The following PCDHGA8 variants were observed in gnomAD, a reference collection of about 807,000 sequenced individuals.
PCDHGA8 encodes protocadherin gamma subfamily A, 8, also known as protocadherin gamma-A8.
PCDHGA8 carries 45 observed loss-of-function variants against 59.2 expected under a neutral mutation model. The observed-to-expected ratio is 0.76, with a 90% CI of 0.60 to 0.98. PCDHGA8 has a LOEUF of 0.98. Among genes scored for constraint, PCDHGA8 ranks in the 50% least tolerant of loss-of-function variants. The probability of loss-of-function intolerance (pLI) is 0.00; values close to 1 mark genes in which losing one functional copy is unlikely to be tolerated. For missense variants in PCDHGA8, 1,257 were observed against 1,196.2 expected (o/e 1.05, Z -0.75); for synonymous variants, 531 against 519.0 (o/e 1.02, Z -0.32).
At chr5:141,399,304 T>C (rs756847972) in intron 1 of PCDHGA8, 1 of 1,613,956 alleles carries the variant, frequency 6.2e-7, no homozygotes, top group Admixed American at 1.7e-5. Context: ...GATTATCTCT[T>C]CATCCAAAAA....
chr5:141,478,109 T>C, intron 1 of PCDHGA8: 1 of 1,614,086 alleles, frequency 6.2e-7, no homozygotes, highest in Non-Finnish European at 8.5e-7. Context: ...CCTCACTGTG[T>C]CAGTAACCGA....
chr5:141,399,685 C>G (rs1344845350), intron 1 of PCDHGA8: 1 of 1,613,532 alleles, frequency 6.2e-7, no homozygotes, highest in African/African-American at 1.3e-5. Context: ...TGACTACGAG[C>G]AGCTGCGCAC....
chr5:141,506,584 G>A (rs1413313164), intron 3 of PCDHGA8, among the ~76,000 whole-genome samples: 1 of 152,098 alleles, frequency 6.6e-6, no homozygotes, highest in African/African-American at 2.4e-5. Context: ...ACTATTAATG[G>A]GCACAGTATT....
At chr5:141,399,625 T>C (rs1270466401) in intron 1 of PCDHGA8, 9 of 1,613,796 alleles carry the variant, frequency 5.6e-6, no homozygotes, top group African/African-American at 1.3e-5. Context: ...ACTGGCCTCT[T>C]ACGTGTCCAT....
intron 1 of PCDHGA8, among the ~76,000 whole-genome samples, chr5:141,481,692 G>A (rs1231630072): frequency 3.3e-5 from 5 of 152,020 alleles, no homozygotes; most frequent in East Asian, 1.9e-4. Context: ...GGTGGCTCAC[G>A]CCTGTAATCC....
At chr5:141,441,325 T>C (rs961263461) in intron 1 of PCDHGA8, 1 of 152,192 alleles carries the variant, frequency 6.6e-6, no homozygotes, top group African/African-American at 2.4e-5. Flanking sequence ...AGAAAAATCT[T>C]CCTCCAATAA....
Position 141,394,338 on chromosome 5 carries a change from T to C in PCDHGA8, c.1525T>C (p.Ser509Pro). 2 of 1,614,048 alleles carry C rather than the reference T, an allele frequency of 1.2e-6. No individual in the cohort carries two copies. The highest frequency in any genetic ancestry group is 1.7e-6 in the Non-Finnish European group (2 of 1,179,962). Residue 509 changes from serine to proline, a missense_variant, in exon 1 of 4, where the codon TCT becomes CCT. Coordinates refer to ENST00000398604, the MANE Select transcript of PCDHGA8 (RefSeq NM_032088.2). ...CCTGTCCTCGTATATCTCCATCAAC[T>C]CTGACACCGGTGTCCTGTATGCGCT... ...APLSSYISIN[S>P]DTGVLYALQS...
chr5:141,405,164 T>C, intron 1 of PCDHGA8: 1 of 1,614,076 alleles, frequency 6.2e-7, no homozygotes, highest in East Asian at 2.2e-5. Flanking sequence ...TGTGCCCACC[T>C]CACACTTTGT....
chr5:141,431,968 T>G lies in PCDHGA8; in HGVS notation c.2424+36731T>G, dbSNP rs571981127. 6.2e-7 allele frequency: 1 copy of G among 1,614,190 alleles called. No individual in the cohort carries two copies. Among genetic ancestry groups the G allele is most frequent in the Admixed American group, 1.7e-5 (1 of 60,024 alleles). On this transcript the variant is annotated intron_variant, in intron 1 of 3. Coordinates refer to ENST00000398604, the MANE Select transcript of PCDHGA8 (RefSeq NM_032088.2). The surrounding 1 kb of genome is among the most constrained non-coding windows in gnomAD (Gnocchi z 4.8). ...AAAAATCTTACGGAAATTACTATAGTTTAGTCACAGACATAGTCTTGGATA... is the reference window on the plus strand; with the variant it reads ...AAAAATCTTACGGAAATTACTATAGGTTAGTCACAGACATAGTCTTGGATA...
In PCDHGA8 at chr5:141,432,866, G is replaced by A; in HGVS notation, c.2424+37629G>A. The A allele has an allele frequency of 6.2e-7, 1 of 1,614,152 alleles. No individual in the cohort carries two copies. The highest frequency in any genetic ancestry group is 8.5e-7 in the Non-Finnish European group (1 of 1,180,008). On this transcript the variant is annotated intron_variant, in intron 1 of 3. Transcript: ENST00000398604. This position sits in a 1 kb window ranked among gnomAD's most constrained non-coding sequence, Gnocchi z 6.0. ...GGTAGCGGTGGCCGCGGTCTCCTGC[G>A]TCTTCCTGGCCTTCGTCATCTTGCT...
chr5:141,477,043 G>A lies in PCDHGA8; in HGVS notation c.2425-17764G>A. The A allele has an allele frequency of 6.2e-7, 1 of 1,614,260 alleles. No individual in the cohort carries two copies. Among genetic ancestry groups the A allele is most frequent in the Middle Eastern group, 1.6e-4 (1 of 6,062 alleles). On this transcript the variant is annotated intron_variant, in intron 1 of 3. Coordinates refer to ENST00000398604, the MANE Select transcript of PCDHGA8 (RefSeq NM_032088.2). This position sits in a 1 kb window ranked among gnomAD's most constrained non-coding sequence, Gnocchi z 4.9. The stretch of plus-strand genomic sequence containing the variant: ...CCGGGATGCTGACAATCAAGGGTCG[G>A]CTGGACTTCGAGGACACCAAACTCC...
Position 141,486,690 on chromosome 5 carries a change from C to G in PCDHGA8, c.2425-8117C>G. ...AGGAATCGAGATGTATCAGCTTCCTCTTTCATCTCTCTGAACCCCCAGACA... is the reference window on the plus strand; with the variant it reads ...AGGAATCGAGATGTATCAGCTTCCTGTTTCATCTCTCTGAACCCCCAGACA... On this transcript the variant is annotated intron_variant, in intron 1 of 3. Coordinates refer to ENST00000398604, the MANE Select transcript of PCDHGA8 (RefSeq NM_032088.2). The surrounding 1 kb of genome is among the most constrained non-coding windows in gnomAD (Gnocchi z 5.0). 3 of 1,614,144 alleles carry G rather than the reference C, an allele frequency of 1.9e-6. No individual in the cohort carries two copies. The highest frequency in any genetic ancestry group is 2.5e-6 in the Non-Finnish European group (3 of 1,180,036).
chr5:141,493,979 C>T lies in PCDHGA8; in HGVS notation c.2425-828C>T, dbSNP rs1273325447. ...GAAGTGGCTGGCCAGAGCCCCACAC[C>T]TTCAGCTAGGTGGGAGATGGCTACA... is the stretch of plus-strand genomic sequence containing the variant. On this transcript the variant is annotated intron_variant, in intron 1 of 3. Coordinates refer to ENST00000398604, the MANE Select transcript of PCDHGA8 (RefSeq NM_032088.2). The surrounding 1 kb of genome is among the most constrained non-coding windows in gnomAD (Gnocchi z 4.3). Among the ~76,000 whole-genome samples, 1 of 152,182 alleles carries T rather than the reference C, an allele frequency of 6.6e-6. No individual in the cohort carries two copies. Among genetic ancestry groups the T allele is most frequent in the Non-Finnish European group, 1.5e-5 (1 of 68,032 alleles).
At chr5:141,456,918 G>C (rs535602842) in intron 1 of PCDHGA8, among the ~76,000 whole-genome samples, 49 of 152,124 alleles carry the variant, frequency 3.2e-4, no homozygotes, top group African/African-American at 1.2e-3. Context: ...AGCCGAGATC[G>C]CACCACTGCA....
In PCDHGA8 at chr5:141,486,872, C is replaced by T. The variant is rs1320632059; in HGVS notation, c.2425-7935C>T. On this transcript the variant is annotated intron_variant, in intron 1 of 3. Transcript: ENST00000398604. The surrounding 1 kb of genome is among the most constrained non-coding windows in gnomAD (Gnocchi z 5.0). ...CAATGACAATGCTCCAGCTGTGCTC[C>T]GTCCTCGGGCCCGGCCTGGTTCCTT... The T allele has an allele frequency of 3.7e-6, 6 of 1,614,232 alleles. No individual in the cohort carries two copies. Among genetic ancestry groups the T allele is most frequent in the African/African-American group, 1.3e-5 (1 of 75,070 alleles).
chr5:141,467,715 G>C (rs904101145), intron 1 of PCDHGA8, among the ~76,000 whole-genome samples: 1 of 152,022 alleles, frequency 6.6e-6, no homozygotes, highest in Non-Finnish European at 1.5e-5. Flanking sequence ...AGGCTGGAGT[G>C]TAGTGGCACA....
In PCDHGA8 at chr5:141,423,241, G is replaced by T. The variant is rs1485226833; in HGVS notation, c.2424+28004G>T. The T allele has an allele frequency of 6.8e-6, 11 of 1,613,836 alleles. No individual in the cohort carries two copies. The Admixed American group carries it at 1.5e-4, about 22-fold the overall frequency. On this transcript the variant is annotated intron_variant, in intron 1 of 3. Transcript: ENST00000398604. ...GGCTGTGGCCGACAGCATCCCCGAAGTCCTGGCGGACCTCGGCAGCCTCGA... is the reference window on the plus strand; with the variant it reads ...GGCTGTGGCCGACAGCATCCCCGAATTCCTGGCGGACCTCGGCAGCCTCGA...
chr5:141,401,283 G>A (rs751622626), intron 1 of PCDHGA8, among the ~76,000 whole-genome samples: 2 of 152,044 alleles, frequency 1.3e-5, no homozygotes, highest in Non-Finnish European at 2.9e-5. Flanking sequence ...TGGAGGTTGC[G>A]GTGAGCCGAG....
rs113648128 is a variant in PCDHGA8, at chr5:141,491,811, C to T, written c.2425-2996C>T. ...CACTCCTCTCCGGCCGGCTTGGTCG[C>T]TGGCTGCGCTCCACCCGATTCTCGG... On this transcript the variant is annotated intron_variant, in intron 1 of 3. Transcript: ENST00000398604. The surrounding 1 kb of genome is among the most constrained non-coding windows in gnomAD (Gnocchi z 6.9). 6.7e-7 allele frequency: 1 copy of T among 1,487,262 alleles called. No homozygotes were observed. The highest frequency in any genetic ancestry group is 1.4e-5 in the African/African-American group (1 of 70,544). 92.1% of individuals were successfully genotyped at this position (1,487,262 alleles called of 1,614,324 possible).
Sources: gnomAD v4.1 joint callset for allele counts (sites outside exome capture counted in the v4.1 genomes callset) on GRCh38, gnomAD v4.1.1 for gene constraint, Gnocchi (gnomAD v3.1) non-coding constraint, MANE v1.5 for transcripts, NCBI Gene and HGNC (gene_info 2026-07-23, HGNC 2026-07-21) for gene names.